GALNS: variants seen among roughly 807,000 people sequenced by gnomAD.
GALNS encodes the protein N-acetylgalactosamine-6-sulfatase.
In GALNS, 65 loss-of-function variants were observed where a neutral mutation model predicts 65.9. That is an observed-to-expected ratio of 0.99 (90% CI 0.81 to 1.21). The LOEUF (loss-of-function observed/expected upper bound fraction) is 1.21. GALNS is among the 50% of genes most tolerant of loss of function. GALNS has a pLI of 0.00. For missense variants in GALNS, 776 were observed against 700.7 expected (o/e 1.11, Z -1.21); for synonymous variants, 346 against 288.9 (o/e 1.20, Z -2.00).
chr16:88,822,630 G>T lies in GALNS; in HGVS notation c.1323C>A (p.Ile441=). The change falls in exon 12 of 14, where the codon ATC becomes ATA. Residue 441 remains isoleucine, a synonymous_variant. Coordinates refer to ENST00000268695, the MANE Select transcript of GALNS (RefSeq NM_000512.5). Reference sequence around the variant, plus strand: ...CCCCTGGGTCCCGTCCCAGGTGGAAGATCAGGGGCAGCTTCGTGTGGTCTT... The same window carrying T: ...CCCCTGGGTCCCGTCCCAGGTGGAATATCAGGGGCAGCTTCGTGTGGTCTT... ...NLEDHTKLPL[I]FHLGRDPGER... 1.2e-6 allele frequency: 2 copies of T among 1,613,144 alleles called. No homozygotes were observed. The highest frequency in any genetic ancestry group is 1.7e-6 in the Non-Finnish European group (2 of 1,179,900).
At chr16:88,855,309 C>A (rs754103019) in intron 1 of GALNS, 1 of 699,968 alleles carries the variant, frequency 1.4e-6, no homozygotes, top group African/African-American at 1.8e-5. Context: ...TCCAGCGAAG[C>A]TATGCTGGCC....
intron 1 of GALNS, chr16:88,855,222 C>T (rs761129167): frequency 1.4e-6 from 1 of 697,922 alleles, no homozygotes; most frequent in South Asian, 1.5e-5. Context: ...GCTGCCCCGC[C>T]TCACCCCTCT....
intron 1 of GALNS, among the ~76,000 whole-genome samples, chr16:88,854,558 A>G (rs1967683049): frequency 6.6e-6 from 1 of 152,246 alleles, no homozygotes. Context: ...TGGGCTGGAC[A>G]GGTCAGCATG....
Position 88,841,014 on chromosome 16 carries a change from C to G in GALNS, c.400G>C (p.Val134Leu), listed in dbSNP as rs886052457. 1.2e-6 allele frequency: 2 copies of G among 1,613,260 alleles called. No homozygotes were observed. Among genetic ancestry groups the G allele is most frequent in the South Asian group, 2.2e-5 (2 of 91,082 alleles). ...LPELLKKAGY[V>L]SKIVGKWHLG... ...TACCACTTGCCGACAATCTTGCTGA[C>G]GTAGCCGGCCTTCTTCAGAAGCTCC... The change falls in exon 4 of 14, where the codon GTC becomes CTC. Residue 134 changes from valine to leucine, a missense_variant. Val to Leu is a conservative substitution (Grantham distance 32). Coordinates refer to ENST00000268695, the MANE Select transcript of GALNS (RefSeq NM_000512.5).
intron 9 of GALNS, among the ~76,000 whole-genome samples, chr16:88,829,594 GC>G (rs904080353): frequency 6.6e-6 from 1 of 152,178 alleles, no homozygotes; most frequent in African/African-American, 2.4e-5. Context: ...GGCAGTTGCC[GC>G]CCCCAGTCCC....
intron 13 of GALNS, chr16:88,815,169 A>G (rs1381785385): frequency 6.1e-6 from 6 of 985,336 alleles, no homozygotes; most frequent in Non-Finnish European, 7.2e-6. Context: ...GGGAGATGGC[A>G]CCCTCTTGAC....
At chr16:88,847,717 C>T (rs1967315715) in intron 1 of GALNS, among the ~76,000 whole-genome samples, 3 of 152,246 alleles carry the variant, frequency 2.0e-5, no homozygotes, top group African/African-American at 7.2e-5. Flanking sequence ...CAAAACAAAA[C>T]ATTAAAAGTG....
Position 88,842,698 on chromosome 16 carries a change from T to C in GALNS, c.244+8A>G. On this transcript the variant is annotated splice_region_variant and intron_variant, in intron 2 of 13. Coordinates refer to ENST00000268695, the MANE Select transcript of GALNS (RefSeq NM_000512.5). ...CCCTTCCTGGGGGCGAGGGCCCCGC[T>C]GACTTACATGGCGAGCACAGAGGGT... 1 of 1,612,310 alleles carries C rather than the reference T, an allele frequency of 6.2e-7. No individual in the cohort carries two copies.
In GALNS at chr16:88,837,633, C is replaced by G. The variant is rs1396872084; in HGVS notation, c.555G>C (p.Glu185Asp). The G allele has an allele frequency of 1.2e-6, 2 of 1,613,446 alleles. No homozygotes were observed. Residue 185 changes from glutamate to aspartate, a missense_variant, in exon 5 of 14, where the codon GAG (glutamate) becomes GAC (aspartate). By Grantham distance (45) the Glu-to-Asp change is conservative. Coordinates refer to ENST00000268695, the MANE Select transcript of GALNS (RefSeq NM_000512.5). ...TGGGGCTCCATTACCTGCCAACCATCTCCCAGTCCCTGTACACAGGGATGT... is the reference window on the plus strand; with the variant it reads ...TGGGGCTCCATTACCTGCCAACCATGTCCCAGTCCCTGTACACAGGGATGT... ...RPNIPVYRDW[E>D]MVGRYYEEFP... is the part of the protein sequence containing the mutation.
chr16:88,842,449 G>A (rs1293893937), intron 2 of GALNS: 6 of 573,326 alleles, frequency 1.0e-5, no homozygotes, highest in African/African-American at 5.6e-5. Context: ...CACAGCACTC[G>A]ACTCTGGGAA....
At chr16:88,836,585 C>CGGA (rs1392433458) in intron 5 of GALNS, among the ~76,000 whole-genome samples, 2 of 151,222 alleles carry the variant, frequency 1.3e-5, no homozygotes, top group Non-Finnish European at 2.9e-5. Flanking sequence ...ACCCAGGAGG[C>CGGA]GGAGGTTGCA....
At chr16:88,855,470 C>T (rs1338368369) in intron 1 of GALNS, 2 of 702,726 alleles carry the variant, frequency 2.8e-6, no homozygotes, top group Non-Finnish European at 5.2e-6. Flanking sequence ...CCGGCTACTG[C>T]TGTCAGGACA....
At position 88,835,890 on chromosome 16, in the gene GALNS, G is replaced by A. The variant is rs373124645; in HGVS notation, c.634-41C>T. On this transcript the variant is annotated intron_variant, in intron 6 of 13. Coordinates refer to ENST00000268695, the MANE Select transcript of GALNS (RefSeq NM_000512.5). ...CACCGTCGTCCTCCAGCCTCAGGCC[G>A]ACCTCCTCATGCCTCCCACGGTCCC... 49 of 1,612,748 alleles carry A rather than the reference G, an allele frequency of 3.0e-5. No individual in the cohort carries two copies. In the African/African-American group the frequency reaches 3.6e-4, roughly 12 times the overall value.
In GALNS at chr16:88,815,786, T is replaced by C. The variant is rs1909558663; in HGVS notation, c.1483-1261A>G. The C allele has an allele frequency of 4.1e-6, 4 of 984,926 alleles. No individual in the cohort carries two copies. In the Admixed American group the frequency reaches 1.8e-4, roughly 45 times the overall value. The allele number at this position is 984,926 out of a possible 1,614,324, so 61.0% of individuals were successfully genotyped here. ...GCCCCCTTGGCCACCAGAGCAGGAG[T>C]GGGTTTGGGTGAGGAAGCTGCTCCC... On this transcript the variant is annotated intron_variant, in intron 13 of 13. Transcript: ENST00000268695.
chr16:88,848,654 C>T (rs1008112727), intron 1 of GALNS, among the ~76,000 whole-genome samples: 2 of 151,732 alleles, frequency 1.3e-5, no homozygotes, highest in African/African-American at 2.4e-5. Flanking sequence ...GGGTCGGGGC[C>T]GGTGGGCGTT....
chr16:88,819,257 T>G (rs1009386395), intron 12 of GALNS, among the ~76,000 whole-genome samples: 2 of 142,230 alleles, frequency 1.4e-5, no homozygotes, highest in East Asian at 4.6e-4. Flanking sequence ...GCCTCAGGCC[T>G]GGGGTTGCAT....
At chr16:88,848,661 C>T (rs1162193931) in intron 1 of GALNS, among the ~76,000 whole-genome samples, 1 of 151,584 alleles carries the variant, frequency 6.6e-6, no homozygotes, top group African/African-American at 2.4e-5. Context: ...GGCCGGTGGG[C>T]GTTTGACTCG....
intron 8 of GALNS, 114 bp downstream of exon 8, chr16:88,835,099 G>A (rs574792106): frequency 3.0e-5 from 41 of 1,374,264 alleles, no homozygotes; most frequent in South Asian, 1.4e-4. Context: ...GCTGGACCCA[G>A]AGGGACCCTT....
intron 4 of GALNS, chr16:88,838,011 C>T (rs959357791): frequency 3.0e-4 from 153 of 517,428 alleles, no homozygotes; most frequent in Middle Eastern, 5.3e-4. Context: ...TGGCGGCGGC[C>T]GGGGTTCCCT....
Sources: allele counts gnomAD v4.1 joint callset (sites outside exome capture counted in the v4.1 genomes callset), GRCh38; gene constraint gnomAD v4.1.1; transcripts MANE v1.5; gene names NCBI Gene and HGNC (gene_info 2026-07-23, HGNC 2026-07-21).